Variants in HECW1 observed in about 807,000 individuals in gnomAD.
HECW1 encodes E3 ubiquitin-protein ligase HECW1.
In HECW1, 61 loss-of-function variants were observed where a neutral mutation model predicts 182.3. That is an observed-to-expected ratio of 0.33 (90% CI 0.27 to 0.41). HECW1 has a LOEUF of 0.41. Ranked by LOEUF, HECW1 falls within the 10% of genes least tolerant of loss-of-function variation. HECW1 has a pLI of 1.00. For synonymous variants in HECW1, 859 were observed against 832.6 expected, an observed-to-expected ratio of 1.03 and a Z score of -0.55; for missense variants, 1,739 against 2,108.9, an observed-to-expected ratio of 0.82 and a Z score of 3.44.
At position 43,243,844 on chromosome 7, in the gene HECW1, G is replaced by A. The variant is rs368709795; in HGVS notation, c.-31-31G>A. Reference sequence around the variant, plus strand: ...CTGATTTTGTTTGCTTGGGATACACGCTAAGTTAACCTCGTTGGACTTTTC... The same window carrying A: ...CTGATTTTGTTTGCTTGGGATACACACTAAGTTAACCTCGTTGGACTTTTC... On this transcript the variant is annotated intron_variant, in intron 2 of 29. Coordinates refer to ENST00000395891, the MANE Select transcript of HECW1 (RefSeq NM_015052.5). This position sits in a 1 kb window ranked among gnomAD's most constrained non-coding sequence, Gnocchi z 4.0. 2.1e-5 allele frequency: 33 copies of A among 1,561,244 alleles called. No homozygotes were observed. Among genetic ancestry groups the A allele is most frequent in the Admixed American group, 1.3e-4 (8 of 59,914 alleles).
Position 43,159,043 on chromosome 7 carries a change from T to C in HECW1, c.-32+44652T>C, listed in dbSNP as rs186593594. ...TCCCAGATGGTGCTGGAGCTGCTGG[T>C]CTAGGGACCACAGCCTGAGAACTGC... On this transcript the variant is annotated intron_variant, in intron 2 of 29. Transcript: ENST00000395891. Among the ~76,000 whole-genome samples the C allele has an allele frequency of 5.3e-5, 8 of 152,278 alleles. No individual in the cohort carries two copies. The East Asian group carries it at 1.5e-3, about 29-fold the overall frequency.
intron 2 of HECW1, among the ~76,000 whole-genome samples, chr7:43,133,065 C>G (rs74974494): frequency 6.6e-6 from 1 of 152,010 alleles, no homozygotes; most frequent in Non-Finnish European, 1.5e-5. Context: ...CTGAAGTTAA[C>G]TAGTGCGTTT....
At chr7:43,292,693 CAT>C (rs1805539752) in intron 3 of HECW1, among the ~76,000 whole-genome samples, 1 of 152,184 alleles carries the variant, frequency 6.6e-6, no homozygotes, top group Admixed American at 6.5e-5. Flanking sequence ...CCATTCAGCA[CAT>C]GTCACCCAGC....
intron 3 of HECW1, chr7:43,274,247 G>A: frequency 1.3e-6 from 1 of 745,928 alleles, no homozygotes; most frequent in South Asian, 1.9e-5. Flanking sequence ...TCTACTGCAT[G>A]CGAATCTTTG....
intron 2 of HECW1, among the ~76,000 whole-genome samples, chr7:43,130,208 G>A (rs1393159152): frequency 1.3e-5 from 2 of 152,124 alleles, no homozygotes; most frequent in Non-Finnish European, 2.9e-5. Context: ...TTGTATAAGT[G>A]TATATTACAG....
chr7:43,454,458 A>G (rs762093930), intron 12 of HECW1, among the ~76,000 whole-genome samples: 7 of 152,300 alleles, frequency 4.6e-5, no homozygotes, highest in South Asian at 2.1e-4. Context: ...TGTATATACA[A>G]TTTCATCCAT....
At chr7:43,130,242 C>T (rs1786761045) in intron 2 of HECW1, among the ~76,000 whole-genome samples, 1 of 152,102 alleles carries the variant, frequency 6.6e-6, no homozygotes, top group Non-Finnish European at 1.5e-5. Context: ...TACCAAAATG[C>T]TTGGGCCTAG....
intron 7 of HECW1, among the ~76,000 whole-genome samples, chr7:43,398,368 C>T (rs1279232296): frequency 6.6e-6 from 1 of 152,210 alleles, no homozygotes; most frequent in African/African-American, 2.4e-5. Flanking sequence ...CCACCCTAAA[C>T]AGTCTTTAAG....
chr7:43,394,883 C>T (rs182843992), intron 6 of HECW1, among the ~76,000 whole-genome samples: 6 of 152,224 alleles, frequency 3.9e-5, no homozygotes, highest in East Asian at 1.9e-4. Context: ...GAGTTTTTAA[C>T]GATAACTTGG....
intron 16 of HECW1, among the ~76,000 whole-genome samples, chr7:43,471,692 A>G (rs1340600494): frequency 6.6e-6 from 1 of 152,124 alleles, no homozygotes; most frequent in African/African-American, 2.4e-5. Context: ...CCTCATTCCA[A>G]GTCTAAGCTG....
chr7:43,448,266 T>G (rs1169295644), intron 11 of HECW1, among the ~76,000 whole-genome samples: 10 of 152,250 alleles, frequency 6.6e-5, no homozygotes, highest in Admixed American at 6.5e-4. Flanking sequence ...CTGACAACTA[T>G]ACAGGCTAGT....
chr7:43,345,430 A>ATTATT (rs991713922), intron 5 of HECW1, among the ~76,000 whole-genome samples: 4 of 151,882 alleles, frequency 2.6e-5, no homozygotes, highest in Admixed American at 6.6e-5. Flanking sequence ...TTTTATTTTT[A>ATTATT]TTATTTTATT....
intron 26 of HECW1, among the ~76,000 whole-genome samples, chr7:43,547,257 C>G (rs2081600049): frequency 6.6e-6 from 1 of 152,054 alleles, no homozygotes; most frequent in Non-Finnish European, 1.5e-5. Flanking sequence ...CACATAAAAG[C>G]TGTGTTTTCA....
At chr7:43,309,294 G>A (rs1348084977) in intron 3 of HECW1, among the ~76,000 whole-genome samples, 3 of 152,154 alleles carry the variant, frequency 2.0e-5, no homozygotes, top group African/African-American at 7.2e-5. Context: ...CAAAGACAGG[G>A]TGGTGGGAGA....
rs76686144 is a variant in HECW1, at chr7:43,244,243, C to A, written c.27+311C>A. Among the ~76,000 whole-genome samples, 24 of 152,352 alleles carry A rather than the reference C, an allele frequency of 1.6e-4. No homozygotes were observed. In the East Asian group the frequency reaches 4.6e-3, roughly 29 times the overall value. ...TTCTATGATGCTACTTCCAGAATTA[C>A]AGCTGAGAGCTCCGCTGTCTATGGG... On this transcript the variant is annotated intron_variant, in intron 3 of 29. Coordinates refer to ENST00000395891, the MANE Select transcript of HECW1 (RefSeq NM_015052.5).
intron 2 of HECW1, among the ~76,000 whole-genome samples, chr7:43,199,531 C>A (rs1347626165): frequency 2.6e-5 from 4 of 152,126 alleles, no homozygotes; most frequent in Non-Finnish European, 5.9e-5. Flanking sequence ...TAGTATAACC[C>A]TCTGGCAGGA....
intron 7 of HECW1, among the ~76,000 whole-genome samples, chr7:43,406,270 T>G: frequency 6.6e-6 from 1 of 152,202 alleles, no homozygotes; most frequent in East Asian, 1.9e-4. Context: ...AAACTCCTTT[T>G]ACCGACAAAC....
intron 17 of HECW1, among the ~76,000 whole-genome samples, chr7:43,482,075 C>T (rs907057399): frequency 6.6e-6 from 1 of 152,052 alleles, no homozygotes; most frequent in African/African-American, 2.4e-5. Context: ...AATGCATCCA[C>T]CCTGACTGTT....
chr7:43,117,556 G>T lies in HECW1; in HGVS notation c.-32+3165G>T, dbSNP rs567471149. Among the ~76,000 whole-genome samples, 6 of 152,198 alleles carry T rather than the reference G, an allele frequency of 3.9e-5. No homozygotes were observed. The East Asian group carries it at 7.7e-4, about 20-fold the overall frequency. ...AAGACACAATGAGATATAGAAGCAG[G>T]TCGAATCTTTTAACGATATTGTTTA... On this transcript the variant is annotated intron_variant, in intron 2 of 29. Transcript: ENST00000395891.
Sources: allele counts gnomAD v4.1 joint callset (sites outside exome capture counted in the v4.1 genomes callset), GRCh38; gene constraint gnomAD v4.1.1; non-coding constraint Gnocchi (gnomAD v3.1); transcripts MANE v1.5; gene names NCBI Gene and HGNC (gene_info 2026-07-23, HGNC 2026-07-21).